CCBE1: variants seen among roughly 807,000 people sequenced by gnomAD.
CCBE1 encodes the protein collagen and calcium binding EGF domains 1.
CCBE1 carries 37 observed loss-of-function variants against 50.0 expected under a neutral mutation model. That is an observed-to-expected ratio of 0.74 (90% CI 0.57 to 0.97). CCBE1 has a LOEUF of 0.97. Among genes scored for constraint, CCBE1 ranks in the 50% least tolerant of loss-of-function variants. The pLI, the probability that CCBE1 is intolerant of heterozygous loss-of-function variation, is 0.00. For missense variants in CCBE1, 538 were observed against 523.8 expected, an observed-to-expected ratio of 1.03 and a Z score of -0.26; for synonymous variants, 234 against 203.7, an observed-to-expected ratio of 1.15 and a Z score of -1.27.
chr18:59,555,822 T>C (rs2052647522), intron 2 of CCBE1, among the ~76,000 whole-genome samples: 1 of 152,084 alleles, frequency 6.6e-6, no homozygotes, highest in Non-Finnish European at 1.5e-5. Context: ...TAAAAGAAGG[T>C]CAATGTTACA....
At chr18:59,639,963 A>G (rs1235654328) in intron 2 of CCBE1, among the ~76,000 whole-genome samples, 2 of 152,210 alleles carry the variant, frequency 1.3e-5, no homozygotes, top group Non-Finnish European at 2.9e-5. Context: ...TACAGAAAGA[A>G]TTACAAAACA....
At chr18:59,606,935 C>T (rs972486230) in intron 2 of CCBE1, among the ~76,000 whole-genome samples, 6 of 151,988 alleles carry the variant, frequency 3.9e-5, no homozygotes, top group Admixed American at 6.6e-5. Context: ...TATAATTAGT[C>T]GGACATGAGT....
chr18:59,685,270 T>C (rs2054640381), intron 2 of CCBE1, among the ~76,000 whole-genome samples: 1 of 152,078 alleles, frequency 6.6e-6, no homozygotes, highest in Admixed American at 6.6e-5. Flanking sequence ...CAAGAACTCA[T>C]GAGGAGTGTC....
At chr18:59,691,120 C>T (rs982840172) in intron 2 of CCBE1, among the ~76,000 whole-genome samples, 2 of 152,248 alleles carry the variant, frequency 1.3e-5, no homozygotes, top group African/African-American at 2.4e-5. Context: ...GAAGACCTAA[C>T]AGATTTCAGT....
chr18:59,672,719 T>A (rs2054450058), intron 2 of CCBE1, among the ~76,000 whole-genome samples: 1 of 151,634 alleles, frequency 6.6e-6, no homozygotes, highest in South Asian at 2.1e-4. Flanking sequence ...AGAGAATAAT[T>A]TTTTTAGGCT....
chr18:59,569,621 T>TC (rs202011024), intron 2 of CCBE1, among the ~76,000 whole-genome samples: 2 of 135,170 alleles, frequency 1.5e-5, no homozygotes, highest in African/African-American at 2.8e-5. Context: ...GCAATTCATC[T>TC]CCCCCCGCCC....
At chr18:59,633,541 G>A (rs2061194487) in intron 2 of CCBE1, among the ~76,000 whole-genome samples, 1 of 152,148 alleles carries the variant, frequency 6.6e-6, no homozygotes, top group Admixed American at 6.5e-5. Flanking sequence ...ATCATCATCT[G>A]TACATTTCAT....
Position 59,653,989 on chromosome 18 carries a change from A to T in CCBE1, c.212+42640T>A, listed in dbSNP as rs182296966. Reference sequence around the variant, plus strand: ...GATATTTATAGCTAGAAGGCTTTACACATTCCTAAAATATCACATTAGAGA... The same window carrying T: ...GATATTTATAGCTAGAAGGCTTTACTCATTCCTAAAATATCACATTAGAGA... On this transcript the variant is annotated intron_variant, in intron 2 of 10. Transcript: ENST00000439986. Among the ~76,000 whole-genome samples, 8 of 152,364 alleles carry T rather than the reference A, an allele frequency of 5.3e-5. No homozygotes were observed. In the East Asian group the frequency reaches 1.5e-3, roughly 29 times the overall value.
chr18:59,696,753 G>C lies in CCBE1; in HGVS notation c.132-44C>G. ...GAAATGTTCGATTCTCAGCGGGAGA[G>C]CGGAGGCGGGCAGCGCGCGCTGGGG... On this transcript the variant is annotated intron_variant, in intron 1 of 10. Coordinates refer to ENST00000439986, the MANE Select transcript of CCBE1 (RefSeq NM_133459.4). 1.9e-6 allele frequency: 3 copies of C among 1,595,094 alleles called. No individual in the cohort carries two copies. In the South Asian group the frequency reaches 3.3e-5, roughly 18 times the overall value.
intron 2 of CCBE1, among the ~76,000 whole-genome samples, chr18:59,693,532 C>A (rs1165989648): frequency 2.0e-5 from 3 of 152,028 alleles, no homozygotes; most frequent in Non-Finnish European, 4.4e-5. Flanking sequence ...CTTCTTTTGC[C>A]CAAAAGCCAT....
intron 2 of CCBE1, among the ~76,000 whole-genome samples, chr18:59,658,767 C>A (rs1054589852): frequency 1.3e-5 from 2 of 149,620 alleles, no homozygotes; most frequent in African/African-American, 2.5e-5. Flanking sequence ...ATAGTCCCAG[C>A]TACTTGGGAG....
At chr18:59,458,515 C>T (rs961926710) in intron 5 of CCBE1, among the ~76,000 whole-genome samples, 1 of 152,242 alleles carries the variant, frequency 6.6e-6, no homozygotes, top group Admixed American at 6.5e-5. Flanking sequence ...AACCTCTTTA[C>T]CAGATTCTCG....
chr18:59,678,463 GAAT>G (rs1262338111), intron 2 of CCBE1, among the ~76,000 whole-genome samples: 1 of 152,192 alleles, frequency 6.6e-6, no homozygotes, highest in Non-Finnish European at 1.5e-5. Flanking sequence ...CTAGATATCA[GAAT>G]ATTAAGAACA....
intron 2 of CCBE1, among the ~76,000 whole-genome samples, chr18:59,599,590 A>C (rs2053403792): frequency 6.6e-6 from 1 of 152,188 alleles, no homozygotes; most frequent in Admixed American, 6.5e-5. Context: ...TTTTCTTATC[A>C]CTTATGGTAC....
At position 59,654,578 on chromosome 18, in the gene CCBE1, C is replaced by T. The variant is rs139963109; in HGVS notation, c.212+42051G>A. Among the ~76,000 whole-genome samples, 9 of 152,126 alleles carry T rather than the reference C, an allele frequency of 5.9e-5. No homozygotes were observed. In the East Asian group the frequency reaches 1.4e-3, roughly 23 times the overall value. On this transcript the variant is annotated intron_variant, in intron 2 of 10. Coordinates refer to ENST00000439986, the MANE Select transcript of CCBE1 (RefSeq NM_133459.4). ...GGCAGAGGTTGCAGTGAGCCGAGAT[C>T]GCGCCACTGTACTCCAGCCTGGGTG...
At chr18:59,559,141 C>T (rs1568205888) in intron 2 of CCBE1, among the ~76,000 whole-genome samples, 1 of 152,122 alleles carries the variant, frequency 6.6e-6, no homozygotes, top group Non-Finnish European at 1.5e-5. Flanking sequence ...GGATGAGCCC[C>T]AGTGGAAATA....
At chr18:59,665,695 T>C (rs2054345014) in intron 2 of CCBE1, among the ~76,000 whole-genome samples, 2 of 152,124 alleles carry the variant, frequency 1.3e-5, no homozygotes, top group African/African-American at 4.8e-5. Flanking sequence ...ACAGCAGCAC[T>C]GTTTACGGCT....
intron 2 of CCBE1, among the ~76,000 whole-genome samples, chr18:59,651,178 T>G (rs2054122508): frequency 6.6e-6 from 1 of 152,192 alleles, no homozygotes; most frequent in South Asian, 2.1e-4. Flanking sequence ...GATAAGAACC[T>G]AGGATCTCAC....
At chr18:59,452,983 A>G (rs1911013202) in intron 6 of CCBE1, among the ~76,000 whole-genome samples, 1 of 152,226 alleles carries the variant, frequency 6.6e-6, no homozygotes, top group Admixed American at 6.5e-5. Context: ...GTAGCTCTCC[A>G]GCAGGGTCTT....
Sources: gnomAD v4.1 joint callset for allele counts (sites outside exome capture counted in the v4.1 genomes callset) on GRCh38, gnomAD v4.1.1 for gene constraint, MANE v1.5 for transcripts, NCBI Gene and HGNC (gene_info 2026-07-23, HGNC 2026-07-21) for gene names.